The following NCOA7 variants were observed in gnomAD, a reference collection of about 807,000 sequenced individuals.
NCOA7 encodes 140 kDa estrogen receptor-associated protein.
Under a neutral mutation model 104.3 loss-of-function variants are expected in NCOA7, and 45 were observed. The observed-to-expected ratio is 0.43, with a 90% confidence interval of 0.34 to 0.55. The LOEUF (loss-of-function observed/expected upper bound fraction) is 0.55, where lower values mean the gene tolerates loss of function less well. Among genes scored for constraint, NCOA7 ranks in the 20% least tolerant of loss-of-function variants. NCOA7 has a pLI of 0.02. For missense variants in NCOA7, 1,041 were observed against 1,119.7 expected, an observed-to-expected ratio of 0.93 and a Z score of 1.00; for synonymous variants, 398 against 402.3, an observed-to-expected ratio of 0.99 and a Z score of 0.13.
chr6:125,871,866 A>G (rs1487256297), intron 3 of NCOA7, among the ~76,000 whole-genome samples: 1 of 152,078 alleles, frequency 6.6e-6, no homozygotes, highest in African/African-American at 2.4e-5. Context: ...GTGTGGTGGC[A>G]TGAGCCCGTA....
chr6:125,871,152 G>A (rs1026912541), intron 3 of NCOA7, among the ~76,000 whole-genome samples: 10 of 152,184 alleles, frequency 6.6e-5, no homozygotes, highest in Admixed American at 1.3e-4. Context: ...TCTTGTACAC[G>A]GGGAGGGTGA....
intron 11 of NCOA7, 140 bp downstream of exon 11, chr6:125,915,620 C>T: frequency 1.9e-6 from 2 of 1,037,820 alleles, no homozygotes; most frequent in South Asian, 1.7e-5. Context: ...TAACTTTATT[C>T]CTCCGTTTGA....
intron 10 of NCOA7, among the ~76,000 whole-genome samples, chr6:125,897,890 G>T (rs1002684188): frequency 6.6e-6 from 1 of 152,156 alleles, no homozygotes; most frequent in Admixed American, 6.5e-5. Context: ...TTTTAGCCAG[G>T]CTGGTCTCAT....
At chr6:125,855,373 G>C in intron 3 of NCOA7, 133 bp downstream of exon 3, 1 of 652,422 alleles carries the variant, frequency 1.5e-6, no homozygotes, top group Non-Finnish European at 2.6e-6. Context: ...CCTGGCCCTT[G>C]CTTTACATAC....
intron 4 of NCOA7, among the ~76,000 whole-genome samples, chr6:125,877,162 G>A (rs1489171957): frequency 6.6e-6 from 1 of 152,128 alleles, no homozygotes; most frequent in Non-Finnish European, 1.5e-5. Flanking sequence ...ACTTGTTCCA[G>A]AAGGGCTTTG....
At chr6:125,913,740 A>G (rs1193981243) in intron 10 of NCOA7, 1 of 801,358 alleles carries the variant, frequency 1.2e-6, no homozygotes, top group Non-Finnish European at 1.5e-6. Flanking sequence ...ATAAAAAGGG[A>G]AACAACAGCT....
intron 1 of NCOA7, among the ~76,000 whole-genome samples, chr6:125,808,419 T>C (rs1036373923): frequency 1.3e-5 from 2 of 152,208 alleles, no homozygotes; most frequent in African/African-American, 4.8e-5. Context: ...TATAGTTGCC[T>C]CTTCTTCCTG....
chr6:125,889,244 C>T lies in NCOA7; in HGVS notation c.1190C>T (p.Thr397Ile), dbSNP rs201370198. 9.0e-5 allele frequency: 146 copies of T among 1,613,348 alleles called. 4 individuals are homozygous for T. Among genetic ancestry groups the T allele is most frequent in the Non-Finnish European group, 6.9e-5 (82 of 1,179,982 alleles). Residue 397 changes from threonine to isoleucine, a missense_variant, in exon 9 of 16, where the codon ACT (threonine) becomes ATT (isoleucine). By Grantham distance (89) the Thr-to-Ile change is moderately conservative. Coordinates refer to ENST00000392477, the MANE Select transcript of NCOA7 (RefSeq NM_181782.5). The stretch of plus-strand genomic sequence containing the variant: ...AAGCTCAGCAAGGAACCTTCCGACA[C>T]TTCTTCTGCATTTGAATCTACAGCC... ...VTKLSKEPSD[T>I]SSAFESTAKE...
At chr6:125,786,202 G>C (rs969658575), upstream of NCOA7, 1 of 152,068 alleles carries the variant, frequency 6.6e-6, no homozygotes, top group Non-Finnish European at 1.5e-5. Flanking sequence ...TGTCCCAACC[G>C]GCCTGAGTCA....
At chr6:125,882,629 G>A in intron 7 of NCOA7, 78 bp downstream of exon 7, 1 of 1,524,344 alleles carries the variant, frequency 6.6e-7, no homozygotes, top group Non-Finnish European at 8.9e-7. Flanking sequence ...CTGGAACAGA[G>A]GCTACATTAA....
At position 125,888,920 on chromosome 6, in the gene NCOA7, A is replaced by T. The variant is rs771804324; in HGVS notation, c.885-19A>T. On this transcript the variant is annotated intron_variant, in intron 8 of 15. Coordinates refer to ENST00000392477, the MANE Select transcript of NCOA7 (RefSeq NM_181782.5). The stretch of plus-strand genomic sequence containing the variant: ...TATTTTTAACATTCCATGTGCACCC[A>T]CCATTTCTCCCCCAACAGTGACCTA... 59 of 1,556,742 alleles carry T rather than the reference A, an allele frequency of 3.8e-5. No individual in the cohort carries two copies. The Middle Eastern group carries it at 1.0e-3, about 27-fold the overall frequency.
intron 1 of NCOA7, 133 bp from the exon 2 acceptor site, chr6:125,815,158 C>G: frequency 2.5e-6 from 1 of 394,334 alleles, no homozygotes. Context: ...TCATATTTGA[C>G]TCATGTGACT....
chr6:125,834,252 G>T (rs1490177588), intron 2 of NCOA7, among the ~76,000 whole-genome samples: 1 of 152,044 alleles, frequency 6.6e-6, no homozygotes, highest in African/African-American at 2.4e-5. Flanking sequence ...AAACTAAAGT[G>T]ACTTTAAAAT....
At chr6:125,899,887 T>G in intron 10 of NCOA7, 2 of 474,778 alleles carry the variant, frequency 4.2e-6, no homozygotes, top group South Asian at 3.0e-5. Context: ...AATAATCTTC[T>G]TTGTAAGTGA....
chr6:125,877,242 C>G (rs1299181642), intron 4 of NCOA7, among the ~76,000 whole-genome samples: 4 of 152,104 alleles, frequency 2.6e-5, no homozygotes, highest in Non-Finnish European at 5.9e-5. Flanking sequence ...GTAGTTGGAC[C>G]TCTGATACTG....
chr6:125,906,751 G>T (rs1186539304), intron 10 of NCOA7, among the ~76,000 whole-genome samples: 1 of 152,142 alleles, frequency 6.6e-6, no homozygotes, highest in Non-Finnish European at 1.5e-5. Context: ...GAAGGCAGAG[G>T]GATCAGAAGG....
intron 10 of NCOA7, among the ~76,000 whole-genome samples, chr6:125,907,274 G>A (rs1379586625): frequency 6.6e-6 from 1 of 152,242 alleles, no homozygotes; most frequent in African/African-American, 2.4e-5. Flanking sequence ...CATTGCAGAT[G>A]TACCTTTGAG....
At chr6:125,878,773 C>T (rs999377427) in intron 5 of NCOA7, among the ~76,000 whole-genome samples, 2 of 152,140 alleles carry the variant, frequency 1.3e-5, no homozygotes, top group Non-Finnish European at 2.9e-5. Flanking sequence ...TGGTTAAGAA[C>T]TTTAAGACCT....
At chr6:125,834,979 A>T (rs1030930176) in intron 2 of NCOA7, among the ~76,000 whole-genome samples, 1 of 152,204 alleles carries the variant, frequency 6.6e-6, no homozygotes, top group African/African-American at 2.4e-5. Context: ...TCTGGAGATG[A>T]ATACATAGCT....
Sources: allele counts gnomAD v4.1 joint callset (sites outside exome capture counted in the v4.1 genomes callset), GRCh38; gene constraint gnomAD v4.1.1; transcripts MANE v1.5; gene names NCBI Gene and HGNC (gene_info 2026-07-23, HGNC 2026-07-21).